The following CPA3 variants were observed in gnomAD, a reference collection of about 807,000 sequenced individuals.
CPA3 encodes the protein carboxypeptidase A3.
In CPA3, 52 loss-of-function variants were observed where a neutral mutation model predicts 55.8. The ratio of observed to expected loss-of-function variants is 0.93; its 90% CI spans 0.75 to 1.17. The LOEUF (loss-of-function observed/expected upper bound fraction) is 1.17, where lower values mean the gene tolerates loss of function less well. CPA3 is among the 50% of genes most tolerant of loss of function. CPA3 has a pLI of 0.00. For synonymous variants in CPA3, 179 were observed against 171.2 expected, an observed-to-expected ratio of 1.05 and a Z score of -0.36; for missense variants, 547 against 509.1, an observed-to-expected ratio of 1.07 and a Z score of -0.72.
At chr3:148,873,119 G>C (rs1212134940) in intron 3 of CPA3, among the ~76,000 whole-genome samples, 1 of 150,916 alleles carries the variant, frequency 6.6e-6, no homozygotes, top group African/African-American at 2.4e-5. Flanking sequence ...TTTCCTCCCA[G>C]TGAATAAATG....
Position 148,867,042 on chromosome 3 carries a change from C to T in CPA3, c.144+1494C>T, listed in dbSNP as rs186792433. ...AAATGCTGGGATTACAGGCATGAGCCACCATGCCCAGTCAGAAGCATTTTC... is the reference window on the plus strand; with the variant it reads ...AAATGCTGGGATTACAGGCATGAGCTACCATGCCCAGTCAGAAGCATTTTC... On this transcript the variant is annotated intron_variant, in intron 2 of 10. Transcript: ENST00000296046. Among the ~76,000 whole-genome samples, 9 of 152,298 alleles carry T rather than the reference C, an allele frequency of 5.9e-5. No individual in the cohort carries two copies. In the East Asian group the frequency reaches 1.7e-3, roughly 29 times the overall value.
At chr3:148,884,478 T>A (rs1312365040) in intron 9 of CPA3, among the ~76,000 whole-genome samples, 1 of 152,036 alleles carries the variant, frequency 6.6e-6, no homozygotes, top group Non-Finnish European at 1.5e-5. Context: ...TAGAAGAAAA[T>A]AAATAAAACA....
Position 148,865,327 on chromosome 3 carries a change from T to G in CPA3, c.20T>G (p.Val7Gly). Residue 7 changes from valine (V) to glycine (G), a missense_variant, in exon 1 of 11, where the codon GTG (valine) becomes GGG (glycine). Transcript: ENST00000296046. Reference protein sequence around the residue: MRLILPVGLIATTLAIA... With the variant: MRLILPGGLIATTLAIA... ...AGAACCATGAGGCTCATCCTGCCTG[T>G]GGGTTTGATTGCTACCACTCTTGCA... is the stretch of plus-strand genomic sequence containing the variant. The G allele has an allele frequency of 6.2e-7, 1 of 1,614,086 alleles. No individual in the cohort carries two copies. Among genetic ancestry groups the G allele is most frequent in the South Asian group, 1.1e-5 (1 of 91,082 alleles).
chr3:148,886,441 T>C (rs368409298), intron 10 of CPA3, among the ~76,000 whole-genome samples: 16 of 152,164 alleles, frequency 1.1e-4, no homozygotes, highest in Admixed American at 2.6e-4. Context: ...AAGACAGATT[T>C]ACAGTTTACT....
chr3:148,882,034 A>G (rs1714387612), intron 7 of CPA3, among the ~76,000 whole-genome samples: 1 of 152,142 alleles, frequency 6.6e-6, no homozygotes, highest in Admixed American at 6.5e-5. Flanking sequence ...ACAGATACCT[A>G]TTTGTCTTTT....
intron 2 of CPA3, 79 bp downstream of exon 2, chr3:148,865,627 A>G: frequency 8.0e-7 from 1 of 1,244,854 alleles, no homozygotes; most frequent in Non-Finnish European, 1.2e-6. Context: ...GTCAATGCCC[A>G]TGGGACTACA....
chr3:148,883,932 T>G, intron 9 of CPA3, 117 bp downstream of exon 9: 2 of 746,904 alleles, frequency 2.7e-6, no homozygotes, highest in Admixed American at 2.6e-5. Flanking sequence ...AGAAAAGAAC[T>G]AATGAAATTT....
intron 10 of CPA3, among the ~76,000 whole-genome samples, chr3:148,886,925 G>A (rs961285233): frequency 3.9e-5 from 6 of 152,110 alleles, no homozygotes; most frequent in African/African-American, 7.2e-5. Flanking sequence ...ATGTTCAGCC[G>A]AAATCTGTAT....
intron 6 of CPA3, among the ~76,000 whole-genome samples, chr3:148,881,241 T>C (rs1417699048): frequency 1.3e-5 from 2 of 152,202 alleles, no homozygotes; most frequent in Non-Finnish European, 2.9e-5. Context: ...AATCTTTCTA[T>C]GAAACATATC....
intron 3 of CPA3, among the ~76,000 whole-genome samples, chr3:148,869,597 C>T (rs927933241): frequency 2.0e-5 from 3 of 151,934 alleles, no homozygotes; most frequent in African/African-American, 7.3e-5. Context: ...ACAAGCAGAG[C>T]AGTAGAATAC....
At chr3:148,891,138 C>T (rs1351318492) in intron 10 of CPA3, among the ~76,000 whole-genome samples, 3 of 151,990 alleles carry the variant, frequency 2.0e-5, no homozygotes, top group Admixed American at 6.6e-5. Context: ...GTTTCTTCTT[C>T]GGTAAAATGG....
Position 148,879,888 on chromosome 3 carries a change from A to G in CPA3, c.575A>G (p.Gln192Arg), listed in dbSNP as rs754817012. The change falls in exon 6 of 11, where the codon CAG (glutamine) becomes CGG (arginine). Residue 192 changes from glutamine (Q) to arginine (R), a missense_variant and splice_region_variant. By Grantham distance (43) the Gln-to-Arg change is conservative. Transcript: ENST00000296046. ...SPAFCQWFVY[Q>R]ATKTYGRNKI... The stretch of plus-strand genomic sequence containing the variant: ...GCATTCTGCCAGTGGTTTGTCTATC[A>G]GGTAAGTGAATCAGAAGACTCCCAA... 1.9e-6 allele frequency: 3 copies of G among 1,605,676 alleles called. No individual in the cohort carries two copies. Among genetic ancestry groups the G allele is most frequent in the East Asian group, 4.5e-5 (2 of 44,802 alleles).
At chr3:148,891,140 G>A (rs1047538551) in intron 10 of CPA3, among the ~76,000 whole-genome samples, 1 of 152,094 alleles carries the variant, frequency 6.6e-6, no homozygotes, top group Non-Finnish European at 1.5e-5. Context: ...TTCTTCTTCG[G>A]TAAAATGGTA....
At chr3:148,877,722 T>C (rs950473562) in intron 3 of CPA3, among the ~76,000 whole-genome samples, 3 of 152,196 alleles carry the variant, frequency 2.0e-5, no homozygotes, top group Admixed American at 6.5e-5. Flanking sequence ...AATGTGAAGA[T>C]TAAATGAATT....
At chr3:148,876,308 T>C (rs1466264126) in intron 3 of CPA3, among the ~76,000 whole-genome samples, 1 of 151,812 alleles carries the variant, frequency 6.6e-6, no homozygotes, top group Non-Finnish European at 1.5e-5. Context: ...TTATATTTAT[T>C]TATAATTTAA....
At position 148,883,867 on chromosome 3, in the gene CPA3, A is replaced by G. The variant is rs747189973; in HGVS notation, c.981+52A>G. ...TGCATCGACAATACCATTGACTTTC[A>G]GTCTGTTCTTCATTAACTTGGGTAT... On this transcript the variant is annotated intron_variant, in intron 9 of 10. Transcript: ENST00000296046. 2.3e-6 allele frequency: 3 copies of G among 1,325,412 alleles called. No homozygotes were observed. The East Asian group carries it at 6.9e-5, about 31-fold the overall frequency. The allele number at this position is 1,325,412 out of a possible 1,614,324, so 82.1% of individuals were successfully genotyped here.
In CPA3 at chr3:148,896,970, T is replaced by C. The variant is rs150807042; in HGVS notation, c.*263T>C. The C allele has an allele frequency of 3.8e-4, 107 of 281,696 alleles. No homozygotes were observed. The highest frequency in any genetic ancestry group is 1.8e-3 in the African/African-American group (85 of 46,324). 17.4% of individuals were successfully genotyped at this position (281,696 alleles called of 1,614,324 possible). A position where few individuals can be genotyped will look rare whatever the true frequency, so the allele number is the denominator to read the frequency against. ...CAGAAAGCATTATTTTGAAAGGTGA[T>C]ATACAGTGGGGCACAGAAAACAAAT... On this transcript the variant is annotated 3_prime_UTR_variant, in exon 11 of 11. Transcript: ENST00000296046.
In CPA3 at chr3:148,882,706, T is replaced by C; in HGVS notation, c.778+111T>C. The C allele has an allele frequency of 3.8e-6, 3 of 788,716 alleles. No individual in the cohort carries two copies. In the South Asian group the frequency reaches 4.9e-5, roughly 13 times the overall value. The allele number at this position is 788,716 out of a possible 1,614,324, so 48.9% of individuals were successfully genotyped here. ...AAAATAGTTATGCTTTGAGTGAGTGTTAACTTTTGTATCTATAACATGAAA... is the reference window on the plus strand; with the variant it reads ...AAAATAGTTATGCTTTGAGTGAGTGCTAACTTTTGTATCTATAACATGAAA... On this transcript the variant is annotated intron_variant, in intron 8 of 10. Coordinates refer to ENST00000296046, the MANE Select transcript of CPA3 (RefSeq NM_001870.4).
chr3:148,892,655 A>AAAC (rs533672624), intron 10 of CPA3, among the ~76,000 whole-genome samples: 220 of 151,722 alleles, frequency 1.5e-3, no homozygotes, highest in Admixed American at 2.1e-3. Context: ...TCTATCTCAA[A>AAAC]AACAACAACA....
Sources: allele counts gnomAD v4.1 joint callset (sites outside exome capture counted in the v4.1 genomes callset), GRCh38; gene constraint gnomAD v4.1.1; transcripts MANE v1.5; gene names NCBI Gene and HGNC (gene_info 2026-07-23, HGNC 2026-07-21).